Variants in FMN2 observed in about 807,000 individuals in gnomAD.
FMN2 encodes formin-2.
A neutral mutation model predicts 142.3 loss-of-function variants in FMN2; 51 were observed. The observed-to-expected ratio is 0.36, with a 90% CI of 0.29 to 0.45. FMN2 has a LOEUF of 0.45. FMN2 is among the 20% of genes least tolerant of loss of function. The pLI, the probability that FMN2 is intolerant of heterozygous loss-of-function variation, is 1.00. For synonymous variants in FMN2, 882 were observed against 869.8 expected, an observed-to-expected ratio of 1.01 and a Z score of -0.25; for missense variants, 1,936 against 2,122.8, an observed-to-expected ratio of 0.91 and a Z score of 1.73.
At chr1:240,295,118 A>T (rs964391969) in intron 8 of FMN2, among the ~76,000 whole-genome samples, 3 of 151,844 alleles carry the variant, frequency 2.0e-5, no homozygotes, top group African/African-American at 7.3e-5. Context: ...GTCATTCATT[A>T]TTTTTTTAAA....
At chr1:240,243,075 G>A (rs1266122309) in intron 6 of FMN2, among the ~76,000 whole-genome samples, 1 of 151,930 alleles carries the variant, frequency 6.6e-6, no homozygotes, top group Non-Finnish European at 1.5e-5. Flanking sequence ...ATCTGAGTAG[G>A]AGAATACGGT....
intron 16 of FMN2, among the ~76,000 whole-genome samples, chr1:240,470,216 A>ACC (rs1553268782): frequency 2.6e-5 from 4 of 151,172 alleles, no homozygotes; most frequent in African/African-American, 7.3e-5. Flanking sequence ...TGAAAAAAAA[A>ACC]AAAAAAACAG....
chr1:240,118,398 G>T (rs1662106539), intron 1 of FMN2, among the ~76,000 whole-genome samples: 1 of 152,128 alleles, frequency 6.6e-6, no homozygotes. Flanking sequence ...ACGCTGCTGG[G>T]GCTGCATGCA....
At chr1:240,458,809 G>A (rs1191815682) in intron 16 of FMN2, 2 of 151,838 alleles carry the variant, frequency 1.3e-5, no homozygotes, top group South Asian at 2.1e-4. Flanking sequence ...ATTTACTATC[G>A]TTAAGTTTGT....
intron 6 of FMN2, among the ~76,000 whole-genome samples, chr1:240,213,692 A>G (rs528346334): frequency 6.6e-6 from 1 of 152,354 alleles, no homozygotes; most frequent in East Asian, 1.9e-4. Context: ...ATGTTTATGG[A>G]GGTATTTCAA....
At chr1:240,164,508 T>A (rs1028749113) in intron 2 of FMN2, among the ~76,000 whole-genome samples, 1 of 152,242 alleles carries the variant, frequency 6.6e-6, no homozygotes, top group Non-Finnish European at 1.5e-5. Context: ...AGAGCATCTT[T>A]TTGTATTTCC....
chr1:240,140,773 A>G (rs1663148256), intron 2 of FMN2, among the ~76,000 whole-genome samples: 1 of 152,168 alleles, frequency 6.6e-6, no homozygotes, highest in Non-Finnish European at 1.5e-5. Context: ...TTCCTCTTTT[A>G]ATTATTTCAA....
At chr1:240,230,734 C>T (rs1342840927) in intron 6 of FMN2, among the ~76,000 whole-genome samples, 2 of 131,868 alleles carry the variant, frequency 1.5e-5, no homozygotes, top group African/African-American at 3.2e-5. Flanking sequence ...GGTGTTTTTA[C>T]TTGCAGCTCC....
intron 13 of FMN2, among the ~76,000 whole-genome samples, chr1:240,335,388 A>G (rs1390171671): frequency 2.0e-5 from 3 of 152,160 alleles, no homozygotes; most frequent in Non-Finnish European, 4.4e-5. Context: ...TTACATTTGT[A>G]TAATATTGTG....
intron 6 of FMN2, among the ~76,000 whole-genome samples, chr1:240,239,728 C>G (rs1056217071): frequency 1.3e-5 from 2 of 152,080 alleles, no homozygotes; most frequent in East Asian, 1.9e-4. Context: ...ATGCCATTGG[C>G]CAAAGAGCAG....
chr1:240,430,071 A>G (rs1053824098), intron 15 of FMN2, among the ~76,000 whole-genome samples: 1 of 151,744 alleles, frequency 6.6e-6, no homozygotes. Flanking sequence ...GTTTTTTAGT[A>G]GAGTTGGGAT....
At chr1:240,340,150 A>G (rs17628460) in intron 13 of FMN2, among the ~76,000 whole-genome samples, 4,628 of 152,286 alleles carry the variant, frequency 0.03, 101 homozygotes, top group Middle Eastern at 0.054. Flanking sequence ...TCTTAAAAAC[A>G]TTACTGCTGT....
At chr1:240,187,677 T>C (rs1665538419) in intron 3 of FMN2, among the ~76,000 whole-genome samples, 2 of 152,220 alleles carry the variant, frequency 1.3e-5, no homozygotes, top group Non-Finnish European at 2.9e-5. Flanking sequence ...ATTTGCAGTC[T>C]CATAGAATCT....
intron 3 of FMN2, among the ~76,000 whole-genome samples, chr1:240,183,780 T>C (rs1034028180): frequency 2.0e-5 from 3 of 152,118 alleles, no homozygotes; most frequent in Admixed American, 2.0e-4. Context: ...TATATCAGAA[T>C]TAAAAACATC....
chr1:240,191,467 A>G (rs1665694954), intron 4 of FMN2, among the ~76,000 whole-genome samples: 1 of 152,214 alleles, frequency 6.6e-6, no homozygotes, highest in Admixed American at 6.5e-5. Context: ...ATAAAATTAC[A>G]TTCTTGAGAC....
At chr1:240,439,224 G>C in intron 16 of FMN2, among the ~76,000 whole-genome samples, 1 of 138,700 alleles carries the variant, frequency 7.2e-6, no homozygotes, top group East Asian at 2.2e-4. Context: ...AGTGAGCCGA[G>C]ATCATGCCAC....
At position 240,137,069 on chromosome 1, in the gene FMN2, CAAA is replaced by C. The variant is rs563163509; in HGVS notation, c.1782+13747_1782+13749del. 3.6e-3 allele frequency among the ~76,000 whole-genome samples: 278 copies of C among 76,172 alleles called. 2 individuals are homozygous for C. In the East Asian group the frequency reaches 0.078, roughly 21 times the overall value. The allele number at this position is 76,172 out of a possible 152,430, so 50.0% of individuals were successfully genotyped here. A position where few individuals can be genotyped will look rare whatever the true frequency, so the allele number is the denominator to read the frequency against. ...TGGGTGACAGAGTGAAACTCCGTCT[CAAA>C]AAAAAAAAAAAAAAAAAAAAAATTG... On this transcript the variant is annotated intron_variant, in intron 2 of 17. Coordinates refer to ENST00000319653, the MANE Select transcript of FMN2 (RefSeq NM_020066.5).
rs1666447875 is a variant in FMN2 at position 240,207,671 on chromosome 1, AC to A, written c.2864del (p.Pro955LeufsTer320). On this transcript the variant is annotated frameshift_variant, in exon 5 of 18. Transcript: ENST00000319653. LOFTEE classifies it high-confidence loss of function. The stretch of plus-strand genomic sequence containing the variant: ...CGCCCCCTCTACCCGGAGCGGCAAT[AC>A]CCCCTCCGCCCCCTCTTCCCGGGGC... ...PPPPLPGAAI[P>X]PPPPLPGAGI... is the part of the protein sequence containing the mutation. 1 of 1,411,002 alleles carries A rather than the reference AC, an allele frequency of 7.1e-7. No individual in the cohort carries two copies. Among genetic ancestry groups the A allele is most frequent in the Non-Finnish European group, 9.7e-7 (1 of 1,035,662 alleles). 87.4% of individuals were successfully genotyped at this position (1,411,002 alleles called of 1,614,324 possible). A position where few individuals can be genotyped will look rare whatever the true frequency, so the allele number is the denominator to read the frequency against.
intron 13 of FMN2, among the ~76,000 whole-genome samples, chr1:240,351,054 C>G (rs776992743): frequency 5.3e-5 from 8 of 152,130 alleles, no homozygotes; most frequent in Non-Finnish European, 1.0e-4. Flanking sequence ...GAGACTGTCT[C>G]ATAGGAGATG....
Sources: gnomAD v4.1 joint callset for allele counts (sites outside exome capture counted in the v4.1 genomes callset) on GRCh38, gnomAD v4.1.1 for gene constraint, MANE v1.5 for transcripts, NCBI Gene and HGNC (gene_info 2026-07-23, HGNC 2026-07-21) for gene names.